ITIH1: variants seen among roughly 807,000 people sequenced by gnomAD.
ITIH1 encodes the protein inter-alpha-trypsin inhibitor heavy chain H1.
Under a neutral mutation model 104.6 loss-of-function variants are expected in ITIH1, and 94 were observed. The ratio of observed to expected loss-of-function variants is 0.90; its 90% CI spans 0.76 to 1.07. The LOEUF is 1.07. Among genes scored for constraint, ITIH1 ranks in the 50% least tolerant of loss-of-function variants. The pLI, the probability that ITIH1 is intolerant of heterozygous loss-of-function variation, is 0.00. For synonymous variants in ITIH1, 455 were observed against 464.4 expected (o/e 0.98, Z 0.26); for missense variants, 1,193 against 1,181.4 (o/e 1.01, Z -0.14).
chr3:52,786,447 C>A lies in ITIH1; in HGVS notation c.1733+13C>A. The A allele has an allele frequency of 1.3e-6, 2 of 1,567,262 alleles. No homozygotes were observed. Among genetic ancestry groups the A allele is most frequent in the Non-Finnish European group, 1.7e-6 (2 of 1,155,884 alleles). ...TGCTGGCCAAGCGGTAGGGCACCTG[C>A]AGCTGCCCCAGGTGGGCACTGCCCA... is the stretch of plus-strand genomic sequence containing the variant. On this transcript the variant is annotated intron_variant, in intron 13 of 21. Transcript: ENST00000273283.
chr3:52,791,974 G>A lies in ITIH1; in HGVS notation c.*63G>A. On this transcript the variant is annotated 3_prime_UTR_variant, in exon 22 of 22. Transcript: ENST00000273283. ...AGGCAGAGGAGGAGGACGACATCCT[G>A]ACCTGCTGCTGAGGCTGTACCTCCT... is the stretch of plus-strand genomic sequence containing the variant. The A allele has an allele frequency of 6.5e-7, 1 of 1,538,882 alleles. No individual in the cohort carries two copies. The highest frequency in any genetic ancestry group is 8.8e-7 in the Non-Finnish European group (1 of 1,133,650).
In ITIH1 at chr3:52,780,357, T is replaced by A; in HGVS notation, c.662T>A (p.Ile221Asn). Residue 221 changes from isoleucine to asparagine, a missense_variant, in exon 6 of 22, where the codon ATC becomes AAC. Physicochemically the swap from Ile to Asn is moderately radical, Grantham distance 149. Coordinates refer to ENST00000273283, the MANE Select transcript of ITIH1 (RefSeq NM_002215.4). The stretch of plus-strand genomic sequence containing the variant: ...CCGAAGGAACTGGCAGCCCAAACTA[T>A]CAAGAAGTCCTTCTCAGGAAAAAAG... ...FLPKELAAQT[I>N]KKSFSGKKGH... 6.8e-6 allele frequency: 11 copies of A among 1,613,866 alleles called. No individual in the cohort carries two copies. Among genetic ancestry groups the A allele is most frequent in the Non-Finnish European group, 9.3e-6 (11 of 1,179,896 alleles).
At position 52,791,827 on chromosome 3, in the gene ITIH1, G is replaced by C; in HGVS notation, c.2652G>C (p.Glu884Asp). The C allele has an allele frequency of 6.2e-7, 1 of 1,614,198 alleles. No individual in the cohort carries two copies. Among genetic ancestry groups the C allele is most frequent in the Non-Finnish European group, 8.5e-7 (1 of 1,180,026 alleles). Residue 884 changes from glutamate (E) to aspartate (D), a missense_variant, in exon 22 of 22, where the codon GAG (glutamate) becomes GAC (aspartate). Physicochemically the swap from Glu to Asp is conservative, Grantham distance 45 (BLOSUM62 2). Transcript: ENST00000273283. The stretch of plus-strand genomic sequence containing the variant: ...GCAAGGACCCGTGGCATGGGGCCGA[G>C]GTGTCCTGCTGGTTCATTCACAACA... ...DYSKDPWHGA[E>D]VSCWFIHNNG...
In ITIH1 at chr3:52,777,674, T is replaced by G; in HGVS notation, c.59T>G (p.Leu20Arg). 1.2e-6 allele frequency: 2 copies of G among 1,606,844 alleles called. No homozygotes were observed. Among genetic ancestry groups the G allele is most frequent in the Non-Finnish European group, 1.7e-6 (2 of 1,176,730 alleles). ...TTGTGCATGTACCTGGTATCTCTCC[T>G]CATCCTGCAGGCCATGCCTGCCCTG... is the stretch of plus-strand genomic sequence containing the variant. ...LLLCMYLVSL[L>R]ILQAMPALGS... Residue 20 changes from leucine to arginine, a missense_variant, in exon 1 of 22, where the codon CTC becomes CGC. Coordinates refer to ENST00000273283, the MANE Select transcript of ITIH1 (RefSeq NM_002215.4).
chr3:52,779,745 C>T lies in ITIH1; in HGVS notation c.573+151C>T, dbSNP rs1698989961. 4 of 1,082,446 alleles carry T rather than the reference C, an allele frequency of 3.7e-6. No homozygotes were observed. The highest frequency in any genetic ancestry group is 2.2e-5 in the Admixed American group (1 of 46,354). 67.1% of individuals were successfully genotyped at this position (1,082,446 alleles called of 1,614,324 possible). ...TCAGGGTGAGCTCTGATGTGCTCTT[C>T]TTGGGCAGGGAACTCCCTGAATTCT... On this transcript the variant is annotated intron_variant, in intron 5 of 21. Coordinates refer to ENST00000273283, the MANE Select transcript of ITIH1 (RefSeq NM_002215.4). The surrounding 1 kb of genome is among the most constrained non-coding windows in gnomAD (Gnocchi z 4.4).
Position 52,784,235 on chromosome 3 carries a change from C to T in ITIH1, c.1226-61C>T, listed in dbSNP as rs1578735267. The T allele has an allele frequency of 3.8e-5, 55 of 1,458,330 alleles. No homozygotes were observed. In the East Asian group the frequency reaches 1.3e-3, roughly 34 times the overall value. The allele number at this position is 1,458,330 out of a possible 1,614,324, so 90.3% of individuals were successfully genotyped here. A position where few individuals can be genotyped will look rare whatever the true frequency, so the allele number is the denominator to read the frequency against. On this transcript the variant is annotated intron_variant, in intron 10 of 21. Coordinates refer to ENST00000273283, the MANE Select transcript of ITIH1 (RefSeq NM_002215.4). Reference sequence around the variant, plus strand: ...CCCCAGGGAGTGTTCCCCAGAGCCCCCTCGTGCCCCACATGCCTGTGGGCC... The same window carrying T: ...CCCCAGGGAGTGTTCCCCAGAGCCCTCTCGTGCCCCACATGCCTGTGGGCC...
rs774875333 is a variant in ITIH1 at position 52,784,415 on chromosome 3, A to G, written c.1345A>G (p.Met449Val). The G allele has an allele frequency of 1.2e-6, 2 of 1,614,176 alleles. No individual in the cohort carries two copies. The highest frequency in any genetic ancestry group is 1.7e-6 in the Non-Finnish European group (2 of 1,180,004). The change falls in exon 11 of 22, where the codon ATG (methionine) becomes GTG (valine). Residue 449 changes from methionine to valine, a missense_variant. Met to Val is a conservative substitution (Grantham distance 21). Coordinates refer to ENST00000273283, the MANE Select transcript of ITIH1 (RefSeq NM_002215.4). ...CTTTAACTTTCTGGAGGTCATGTCCATGGAGAACAACGGACGGGCCCAGAG... is the reference window on the plus strand; with the variant it reads ...CTTTAACTTTCTGGAGGTCATGTCCGTGGAGAACAACGGACGGGCCCAGAG... ...VDFNFLEVMS[M>V]ENNGRAQRIY...
intron 12 of ITIH1, among the ~76,000 whole-genome samples, chr3:52,785,623 G>C (rs1360459483): frequency 6.6e-6 from 1 of 152,260 alleles, no homozygotes; most frequent in Non-Finnish European, 1.5e-5. Flanking sequence ...GCACCTGTGT[G>C]TGGTGGGGAC....
rs377717605 is a variant in ITIH1 at position 52,791,928 on chromosome 3, G to T, written c.*17G>T. On this transcript the variant is annotated 3_prime_UTR_variant, in exon 22 of 22. Coordinates refer to ENST00000273283, the MANE Select transcript of ITIH1 (RefSeq NM_002215.4). ...ATCTTCTGAGCCCTCTGGCCAGCACGCCTGTCCTCCCCCGGGGCCAAGGCA... is the reference window on the plus strand; with the variant it reads ...ATCTTCTGAGCCCTCTGGCCAGCACTCCTGTCCTCCCCCGGGGCCAAGGCA... 1 of 1,603,734 alleles carries T rather than the reference G, an allele frequency of 6.2e-7. No homozygotes were observed. Among genetic ancestry groups the T allele is most frequent in the East Asian group, 2.2e-5 (1 of 44,706 alleles).
chr3:52,781,206 TTTTTCTTCTTCTTC>T lies in ITIH1; in HGVS notation c.688-731_688-718del, dbSNP rs1291001391. Among the ~76,000 whole-genome samples the T allele has an allele frequency of 2.0e-3, 152 of 74,520 alleles. 7 individuals carry two copies. The highest frequency in any genetic ancestry group is 7.0e-3 in the Middle Eastern group (1 of 142). The allele number at this position is 74,520 out of a possible 152,430, so 48.9% of individuals were successfully genotyped here. A position where few individuals can be genotyped will look rare whatever the true frequency, so the allele number is the denominator to read the frequency against. On this transcript the variant is annotated intron_variant, in intron 6 of 21. Transcript: ENST00000273283. ...TTCACCTCCTCCTCTTCTTTTTTTT[TTTTTCTTCTTCTTC>T]TTCTTCTTCTTCTTCTTCTTCTTCT...
rs1698990093 is a variant in ITIH1 at position 52,779,750 on chromosome 3, G to T, written c.573+156G>T. 9.5e-6 allele frequency: 10 copies of T among 1,056,192 alleles called. No individual in the cohort carries two copies. The highest frequency in any genetic ancestry group is 8.4e-6 in the Non-Finnish European group (6 of 714,274). The allele number at this position is 1,056,192 out of a possible 1,614,324, so 65.4% of individuals were successfully genotyped here. ...GTGAGCTCTGATGTGCTCTTCTTGG[G>T]CAGGGAACTCCCTGAATTCTCTAAC... On this transcript the variant is annotated intron_variant, in intron 5 of 21. Coordinates refer to ENST00000273283, the MANE Select transcript of ITIH1 (RefSeq NM_002215.4). This position sits in a 1 kb window ranked among gnomAD's most constrained non-coding sequence, Gnocchi z 4.4.
chr3:52,780,508 A>G (rs1699008153), intron 6 of ITIH1, 126 bp downstream of exon 6: 1 of 646,796 alleles, frequency 1.5e-6, no homozygotes, highest in African/African-American at 1.8e-5. Flanking sequence ...TCAGGATGAG[A>G]GAAGCTGGTG....
rs1699370842 is a variant in ITIH1, at chr3:52,791,908, C to T, written c.2733C>T (p.Phe911=). 6.2e-7 allele frequency: 1 copy of T among 1,611,662 alleles called. No homozygotes were observed. The highest frequency in any genetic ancestry group is 1.3e-5 in the African/African-American group (1 of 74,896). The change falls in exon 22 of 22, where the codon TTC becomes TTT. Residue 911 remains phenylalanine, a synonymous_variant. Coordinates refer to ENST00000273283, the MANE Select transcript of ITIH1 (RefSeq NM_002215.4). ...CTGATTATATCGTCCCCGACATCTTCTGAGCCCTCTGGCCAGCACGCCTGT... is the reference window on the plus strand; with the variant it reads ...CTGATTATATCGTCCCCGACATCTTTTGAGCCCTCTGGCCAGCACGCCTGT... ...AYTDYIVPDI[F]
At chr3:52,778,897 G>A (rs201514845) in intron 3 of ITIH1, 45 bp from the exon 4 acceptor site, 49 of 1,406,316 alleles carry the variant, frequency 3.5e-5, no homozygotes, top group Non-Finnish European at 4.0e-6. Context: ...GACCTGTGTG[G>A]TCAGGAGGCT....
In ITIH1 at chr3:52,787,990, C is replaced by T. The variant is rs145881645; in HGVS notation, c.1929C>T (p.Phe643=). ...TGCCACTCCCCCTCCCATCAGCGTT[C>T]GTGCTGTCAGCCTTGCAGCCTTCTC... The part of the protein sequence containing the change: ...PLEMLGPRRT[F]VLSALQPSPT... Residue 643 remains phenylalanine (F), a synonymous_variant, in exon 17 of 22, where the codon TTC becomes TTT. Coordinates refer to ENST00000273283, the MANE Select transcript of ITIH1 (RefSeq NM_002215.4). 129 of 1,613,836 alleles carry T rather than the reference C, an allele frequency of 8.0e-5. No individual in the cohort carries two copies. The African/African-American group carries it at 1.3e-3, about 16-fold the overall frequency.
In ITIH1 at chr3:52,781,900, T is replaced by C. The variant is rs545592337; in HGVS notation, c.688-40T>C. 3.7e-6 allele frequency: 6 copies of C among 1,609,538 alleles called. No individual in the cohort carries two copies. The African/African-American group carries it at 8.0e-5, about 21-fold the overall frequency. ...TCTTTGCAAACATCTTGTTTGTGGT[T>C]ACACAGACCAGTAATGGCTCACACT... is the stretch of plus-strand genomic sequence containing the variant. On this transcript the variant is annotated intron_variant, in intron 6 of 21. Coordinates refer to ENST00000273283, the MANE Select transcript of ITIH1 (RefSeq NM_002215.4).
chr3:52,787,491 G>A, intron 15 of ITIH1, 101 bp from the exon 16 acceptor site: 1 of 1,422,238 alleles, frequency 7.0e-7, no homozygotes, highest in Non-Finnish European at 9.9e-7. Flanking sequence ...ACCCCCAGAG[G>A]GACGGCTGGG....
chr3:52,778,312 G>A (rs1423115687), intron 2 of ITIH1, 28 bp from the exon 3 acceptor site: 1 of 1,611,832 alleles, frequency 6.2e-7, no homozygotes, highest in Non-Finnish European at 8.5e-7. Context: ...CCTGTCTCAG[G>A]CCACAGCTCC....
rs755891120 is a variant in ITIH1 at position 52,786,349 on chromosome 3, C to T, written c.1648C>T (p.Leu550=). ...CLVDEEEMKK[L]LRERGHMLEN... Reference sequence around the variant, plus strand: ...AGTGGATGAGGAGGAGATGAAGAAACTGCTCCGAGAGCGTGGCCACATGCT... The same window carrying T: ...AGTGGATGAGGAGGAGATGAAGAAATTGCTCCGAGAGCGTGGCCACATGCT... The change falls in exon 13 of 22, where the codon CTG becomes TTG. Residue 550 remains leucine, a synonymous_variant. Transcript: ENST00000273283. 4.4e-6 allele frequency: 7 copies of T among 1,575,920 alleles called. No homozygotes were observed. The South Asian group carries it at 5.8e-5, about 13-fold the overall frequency.
Sources: allele counts gnomAD v4.1 joint callset (sites outside exome capture counted in the v4.1 genomes callset), GRCh38; gene constraint gnomAD v4.1.1; non-coding constraint Gnocchi (gnomAD v3.1); transcripts MANE v1.5; gene names NCBI Gene and HGNC (gene_info 2026-07-23, HGNC 2026-07-21).